ACSF3: variants seen among roughly 807,000 people sequenced by gnomAD.
ACSF3 encodes the protein acyl-CoA synthetase family member 3.
A neutral mutation model predicts 53.2 loss-of-function variants in ACSF3; 78 were observed. The observed-to-expected ratio is 1.47, with a 90% CI of 1.22 to 1.77. The LOEUF (loss-of-function observed/expected upper bound fraction) is 1.77. ACSF3 is among the 40% of genes most tolerant of loss of function. ACSF3 has a pLI of 0.00. For missense variants in ACSF3, 937 were observed against 771.1 expected, an observed-to-expected ratio of 1.22 and a Z score of -2.55; for synonymous variants, 414 against 333.1, an observed-to-expected ratio of 1.24 and a Z score of -2.65.
chr16:89,154,523 C>G lies in ACSF3; in HGVS notation c.*316C>G, dbSNP rs1567758564. The G allele has an allele frequency of 3.8e-6, 2 of 532,542 alleles. No individual in the cohort carries two copies. The highest frequency in any genetic ancestry group is 3.8e-5 in the African/African-American group (2 of 52,728). The allele number at this position is 532,542 out of a possible 1,614,324, so 33.0% of individuals were successfully genotyped here. On this transcript the variant is annotated 3_prime_UTR_variant, in exon 11 of 11. Coordinates refer to ENST00000614302, the MANE Select transcript of ACSF3 (RefSeq NM_001243279.3). Reference sequence around the variant, plus strand: ...CCCGCCCCACAGTGCCCTGCAGTTGCCAGGCTCTCCAGGGCAGGTCCCAGA... The same window carrying G: ...CCCGCCCCACAGTGCCCTGCAGTTGGCAGGCTCTCCAGGGCAGGTCCCAGA...
rs776003939 is a variant in ACSF3 at position 89,120,877 on chromosome 16, C to T, written c.1203C>T (p.Tyr401=). The T allele has an allele frequency of 7.4e-6, 12 of 1,613,988 alleles. No individual in the cohort carries two copies. The Admixed American group carries it at 1.3e-4, about 18-fold the overall frequency. ...SENPQREACS[Y]TIHAEGDERG... Reference sequence around the variant, plus strand: ...ACCCACAGAGGGAAGCCTGCTCCTACACCATCCACGCAGAGGGAGACGAGA... The same window carrying T: ...ACCCACAGAGGGAAGCCTGCTCCTATACCATCCACGCAGAGGGAGACGAGA... The change falls in exon 7 of 11, where the codon TAC becomes TAT. Residue 401 remains tyrosine (Y), a synonymous_variant. Coordinates refer to ENST00000614302, the MANE Select transcript of ACSF3 (RefSeq NM_001243279.3).
chr16:89,112,410 G>GTC (rs141059120), intron 5 of ACSF3, among the ~76,000 whole-genome samples, 164 bp downstream of exon 5: 7 of 150,442 alleles, frequency 4.7e-5, no homozygotes, highest in East Asian at 1.9e-4. Context: ...CTCTCTAACT[G>GTC]TCTCTCTCTC....
At chr16:89,128,808 C>T (rs551094198) in intron 7 of ACSF3, among the ~76,000 whole-genome samples, 1 of 152,066 alleles carries the variant, frequency 6.6e-6, no homozygotes. Flanking sequence ...GGTTTCTTTT[C>T]AGGAATGTTC....
Position 89,143,979 on chromosome 16 carries a change from G to A in ACSF3, c.1367-1288G>A, listed in dbSNP as rs149268126. Among the ~76,000 whole-genome samples, 448 of 152,370 alleles carry A rather than the reference G, an allele frequency of 2.9e-3. 6 individuals carry two copies. The highest frequency in any genetic ancestry group is 0.01 in the African/African-American group (416 of 41,586). ...ACCCATGTGGAGTGCAGGGTATGTG[G>A]AAGCAGACAGTTGAGGCCTCAGCAC... On this transcript the variant is annotated intron_variant, in intron 8 of 10. Transcript: ENST00000614302.
intron 4 of ACSF3, among the ~76,000 whole-genome samples, chr16:89,103,955 G>A (rs1975673117): frequency 6.6e-6 from 1 of 152,230 alleles, no homozygotes; most frequent in African/African-American, 2.4e-5. Context: ...GAAAGGACCT[G>A]GGCTCGAGGC....
rs762212556 is a variant in ACSF3, at chr16:89,154,764, C to G, written c.*557C>G. 7 of 454,052 alleles carry G rather than the reference C, an allele frequency of 1.5e-5. No homozygotes were observed. Among genetic ancestry groups the G allele is most frequent in the Non-Finnish European group, 3.1e-5 (7 of 226,812 alleles). 28.1% of individuals were successfully genotyped at this position (454,052 alleles called of 1,614,324 possible). ...GTTCCGTGCATTTCCTGGTGCTGCT[C>G]TTGGAGGAGAGCAGCTCCCACTGTG... On this transcript the variant is annotated 3_prime_UTR_variant, in exon 11 of 11. Coordinates refer to ENST00000614302, the MANE Select transcript of ACSF3 (RefSeq NM_001243279.3).
rs1157954885 is a variant in ACSF3, at chr16:89,131,121, CTTTTTCTTTTT to C, written c.1240-2009_1240-1999del. ...TTGCCCTTTCTTTCTTTTTCTTTTT[CTTTTTCTTTTT>C]TTTTTTTTTTTTTTTTTTTGAGACA... is the stretch of plus-strand genomic sequence containing the variant. On this transcript the variant is annotated intron_variant, in intron 7 of 10. Coordinates refer to ENST00000614302, the MANE Select transcript of ACSF3 (RefSeq NM_001243279.3). 3.7e-4 allele frequency among the ~76,000 whole-genome samples: 43 copies of C among 114,920 alleles called. No homozygotes were observed. The South Asian group carries it at 0.011, about 29-fold the overall frequency. The allele number at this position is 114,920 out of a possible 152,430, so 75.4% of individuals were successfully genotyped here.
chr16:89,155,354 C>T lies in ACSF3; in HGVS notation c.*1147C>T, dbSNP rs148597914. ...GGAGGCCAGCCCCATCTCAGGCTCA[C>T]GTGCCTCTGACAGGAGACCAGCCCC... On this transcript the variant is annotated 3_prime_UTR_variant, in exon 11 of 11. Coordinates refer to ENST00000614302, the MANE Select transcript of ACSF3 (RefSeq NM_001243279.3). 626 of 451,482 alleles carry T rather than the reference C, an allele frequency of 1.4e-3. 5 individuals carry two copies. Among genetic ancestry groups the T allele is most frequent in the Middle Eastern group, 5.6e-3 (8 of 1,438 alleles). The allele number at this position is 451,482 out of a possible 1,614,324, so 28.0% of individuals were successfully genotyped here. A position where few individuals can be genotyped will look rare whatever the true frequency, so the allele number is the denominator to read the frequency against.
rs74036131 is a variant in ACSF3 at position 89,140,667 on chromosome 16, C to T, written c.1367-4600C>T. 5.2e-3 allele frequency among the ~76,000 whole-genome samples: 796 copies of T among 152,306 alleles called. 4 individuals carry two copies. Among genetic ancestry groups the T allele is most frequent in the African/African-American group, 0.018 (763 of 41,576 alleles). ...TCTGCACAGCAGAACAGGCGCTGTT[C>T]TTATCTTGCGTGCGGGTCAGGACAT... On this transcript the variant is annotated intron_variant, in intron 8 of 10. Transcript: ENST00000614302.
rs1421658430 is a variant in ACSF3, at chr16:89,112,174, A to G, written c.905A>G (p.Glu302Gly). 8.4e-6 allele frequency: 11 copies of G among 1,316,664 alleles called. No homozygotes were observed. Among genetic ancestry groups the G allele is most frequent in the Non-Finnish European group, 9.8e-6 (10 of 1,016,140 alleles). 81.6% of individuals were successfully genotyped at this position (1,316,664 alleles called of 1,614,324 possible). Reference protein sequence around the residue: ...AVPTIYTKLMEYYDRHFTQPH... With the variant: ...AVPTIYTKLMGYYDRHFTQPH... ...CCTACAATATACACCAAGCTGATGG[A>G]GTACTACGACAGGCATTTTACCCAG... Residue 302 changes from glutamate (E) to glycine (G), a missense_variant, in exon 5 of 11, where the codon GAG (glutamate) becomes GGG (glycine). Physicochemically the swap from Glu to Gly is moderately conservative, Grantham distance 98. Transcript: ENST00000614302.
chr16:89,141,614 G>T (rs547256387), intron 8 of ACSF3, among the ~76,000 whole-genome samples: 1 of 152,256 alleles, frequency 6.6e-6, no homozygotes. Flanking sequence ...ATCCAGGCCC[G>T]GGAGACGCAT....
chr16:89,121,560 T>G (rs1430136427), intron 7 of ACSF3, among the ~76,000 whole-genome samples: 2 of 152,182 alleles, frequency 1.3e-5, no homozygotes, highest in East Asian at 3.8e-4. Context: ...GGTTTAGGGA[T>G]TATGGGGAAA....
intron 6 of ACSF3, chr16:89,114,834 TCAG>T (rs1358232862): frequency 2.7e-6 from 1 of 377,224 alleles, no homozygotes; most frequent in East Asian, 6.5e-5. Flanking sequence ...CCAGACCACA[TCAG>T]CAGTGGTGGC....
At chr16:89,098,390 G>A (rs917476604) in intron 1 of ACSF3, among the ~76,000 whole-genome samples, 12 of 152,240 alleles carry the variant, frequency 7.9e-5, no homozygotes, top group Admixed American at 2.0e-4. Context: ...GAGGGGGCGT[G>A]GTGTGTGGGA....
intron 6 of ACSF3, among the ~76,000 whole-genome samples, chr16:89,116,377 G>T (rs1443287482): frequency 1.3e-5 from 2 of 152,200 alleles, no homozygotes; most frequent in East Asian, 3.9e-4. Flanking sequence ...GGCCCAGGCA[G>T]GGACCAGCTG....
At chr16:89,154,029 T>G in intron 10 of ACSF3, 61 bp from the exon 11 acceptor site, 1 of 1,559,858 alleles carries the variant, frequency 6.4e-7, no homozygotes, top group Non-Finnish European at 8.8e-7. Context: ...GCTGGGCGCC[T>G]GAGTTCCTCC....
intron 8 of ACSF3, among the ~76,000 whole-genome samples, chr16:89,140,671 T>A (rs1404263630): frequency 6.6e-6 from 1 of 152,148 alleles, no homozygotes; most frequent in Admixed American, 6.5e-5. Context: ...GCTGTTCTTA[T>A]CTTGCGTGCG....
chr16:89,100,740 G>T lies in ACSF3; in HGVS notation c.59G>T (p.Arg20Leu). The T allele has an allele frequency of 6.2e-7, 1 of 1,605,496 alleles. No individual in the cohort carries two copies. The highest frequency in any genetic ancestry group is 2.2e-5 in the East Asian group (1 of 44,882). Reference protein sequence around the residue: ...RRLGCALASCRLAPARHRGSG... With the variant: ...RRLGCALASCLLAPARHRGSG... The stretch of plus-strand genomic sequence containing the variant: ...CTGGGCTGCGCCTTGGCGTCCTGCC[G>T]GCTGGCGCCTGCGAGACACAGAGGA... Residue 20 changes from arginine to leucine, a missense_variant, in exon 3 of 11, where the codon CGG (arginine) becomes CTG (leucine). By Grantham distance (102) the Arg-to-Leu change is moderately radical. Transcript: ENST00000614302.
At chr16:89,136,873 G>T (rs1351972697) in intron 8 of ACSF3, 1 of 1,267,024 alleles carries the variant, frequency 7.9e-7, no homozygotes, top group Non-Finnish European at 1.0e-6. Flanking sequence ...GACGTCAAAG[G>T]TCTGTCTCAG....
Sources: allele counts gnomAD v4.1 joint callset (sites outside exome capture counted in the v4.1 genomes callset), GRCh38; gene constraint gnomAD v4.1.1; transcripts MANE v1.5; gene names NCBI Gene and HGNC (gene_info 2026-07-23, HGNC 2026-07-21).